Variants in PARP8 observed in about 807,000 individuals in gnomAD.
PARP8 encodes protein mono-ADP-ribosyltransferase PARP8.
In PARP8, 51 loss-of-function variants were observed where a neutral mutation model predicts 124.1. That is an observed-to-expected ratio of 0.41 (90% CI 0.33 to 0.52). PARP8 has a LOEUF of 0.52. Ranked by LOEUF, PARP8 falls within the 20% of genes least tolerant of loss-of-function variation. PARP8 has a pLI of 0.21. For synonymous variants in PARP8, 391 were observed against 361.5 expected, an observed-to-expected ratio of 1.08 and a Z score of -0.93; for missense variants, 860 against 1,018.9, an observed-to-expected ratio of 0.84 and a Z score of 2.12.
At chr5:50,731,424 T>G (rs1249525682) in intron 2 of PARP8, among the ~76,000 whole-genome samples, 3 of 152,206 alleles carry the variant, frequency 2.0e-5, no homozygotes, top group African/African-American at 7.2e-5. Context: ...CATAGCAGTG[T>G]GCATTTGCTT....
Position 50,778,570 on chromosome 5 carries a change from C to T in PARP8, c.590C>T (p.Ala197Val), listed in dbSNP as rs1740301214. Residue 197 changes from alanine (A) to valine (V), a missense_variant, in exon 9 of 26, where the codon GCT becomes GTT. Transcript: ENST00000281631. ...IDVSFLDEEI[A>V]VAWEVIRTEP... The stretch of plus-strand genomic sequence containing the variant: ...AATATATTTGTGCAGGAGGAGATTG[C>T]TGTGGCTTGGGAAGTAATTCGAACA... 1 of 1,607,132 alleles carries T rather than the reference C, an allele frequency of 6.2e-7. No homozygotes were observed. Among genetic ancestry groups the T allele is most frequent in the Non-Finnish European group, 8.5e-7 (1 of 1,177,012 alleles).
rs141865236 is a variant in PARP8, at chr5:50,815,801, A to G, written c.1668+277A>G. Among the ~76,000 whole-genome samples the G allele has an allele frequency of 3.3e-4, 50 of 152,308 alleles. 1 individual carries two copies. The East Asian group carries it at 7.1e-3, about 22-fold the overall frequency. On this transcript the variant is annotated intron_variant, in intron 15 of 25. Coordinates refer to ENST00000281631, the MANE Select transcript of PARP8 (RefSeq NM_024615.4). ...TCTTCTTACACAGTGAAGTGGAGATATTGAAACCCTCGTGCATGCTTTATG... is the reference window on the plus strand; with the variant it reads ...TCTTCTTACACAGTGAAGTGGAGATGTTGAAACCCTCGTGCATGCTTTATG...
At chr5:50,841,512 A>G (rs1238747890) in intron 25 of PARP8, among the ~76,000 whole-genome samples, 1 of 151,912 alleles carries the variant, frequency 6.6e-6, no homozygotes, top group Non-Finnish European at 1.5e-5. Context: ...TAATTATTAG[A>G]AGGCAGGCAT....
chr5:50,808,740 C>T (rs142042298), intron 14 of PARP8, among the ~76,000 whole-genome samples: 1 of 152,026 alleles, frequency 6.6e-6, no homozygotes, highest in East Asian at 1.9e-4. Flanking sequence ...GTTTGGGAGT[C>T]CCAAGATTTG....
At chr5:50,686,643 T>C (rs937890817) in intron 2 of PARP8, among the ~76,000 whole-genome samples, 1 of 152,244 alleles carries the variant, frequency 6.6e-6, no homozygotes, top group Non-Finnish European at 1.5e-5. Flanking sequence ...AGCATACTTT[T>C]GCCTGGGCAT....
At chr5:50,780,730 T>C (rs762436780) in intron 9 of PARP8, among the ~76,000 whole-genome samples, 9 of 152,032 alleles carry the variant, frequency 5.9e-5, no homozygotes, top group Non-Finnish European at 1.0e-4. Context: ...TTTTCTTTTT[T>C]CATACCTGAT....
In PARP8 at chr5:50,801,537, TTA is replaced by T. The variant is rs1333166043; in HGVS notation, c.1575+4305_1575+4306del. On this transcript the variant is annotated intron_variant, in intron 14 of 25. Coordinates refer to ENST00000281631, the MANE Select transcript of PARP8 (RefSeq NM_024615.4). ...TTATCCTTTTGATGTCTGCAGAGTTTTAGTGATACTCTTTGTTTCATTCCTGA... is the reference window on the plus strand; with the variant it reads ...TTATCCTTTTGATGTCTGCAGAGTTTGTGATACTCTTTGTTTCATTCCTGA... Among the ~76,000 whole-genome samples the T allele has an allele frequency of 6.6e-5, 10 of 152,346 alleles. No individual in the cohort carries two copies. In the East Asian group the frequency reaches 1.9e-3, roughly 29 times the overall value.
At chr5:50,754,059 A>G (rs1378559112) in intron 3 of PARP8, among the ~76,000 whole-genome samples, 2 of 144,988 alleles carry the variant, frequency 1.4e-5, no homozygotes, top group East Asian at 2.0e-4. Context: ...AAAAAAAAAA[A>G]GAGCTTAGAA....
At chr5:50,686,425 G>C (rs1751868804) in intron 2 of PARP8, among the ~76,000 whole-genome samples, 1 of 152,224 alleles carries the variant, frequency 6.6e-6, no homozygotes, top group African/African-American at 2.4e-5. Context: ...GCTTTCACAG[G>C]CTGGTGTTTA....
intron 2 of PARP8, among the ~76,000 whole-genome samples, chr5:50,684,489 TGAA>T (rs1756884072): frequency 6.6e-6 from 1 of 151,888 alleles, no homozygotes; most frequent in Non-Finnish European, 1.5e-5. Flanking sequence ...AATGTGATAA[TGAA>T]GGTTTTATAT....
At chr5:50,747,158 G>GTTTTTTTTTTTTTTTTTTTTTTTTT (rs1370932889) in intron 2 of PARP8, among the ~76,000 whole-genome samples, 1 of 82,204 alleles carries the variant, frequency 1.2e-5, no homozygotes, top group African/African-American at 4.8e-5. Flanking sequence ...TTGTTTGTTT[G>GTTTTTTTTTTTTTTTTTTTTTTTTT]TTTTGTTTTT....
intron 9 of PARP8, among the ~76,000 whole-genome samples, chr5:50,783,537 C>T (rs1275899989): frequency 6.6e-6 from 1 of 152,148 alleles, no homozygotes; most frequent in Non-Finnish European, 1.5e-5. Flanking sequence ...CCCTGTTGCT[C>T]TATGTACACT....
chr5:50,826,011 A>C (rs1746308251), intron 18 of PARP8, among the ~76,000 whole-genome samples: 1 of 152,038 alleles, frequency 6.6e-6, no homozygotes, highest in South Asian at 2.1e-4. Context: ...AATAACACTA[A>C]ATTTCCATTG....
intron 14 of PARP8, among the ~76,000 whole-genome samples, chr5:50,815,216 CTTTTTTATAATA>C (rs911543168): frequency 2.0e-5 from 3 of 151,892 alleles, no homozygotes; most frequent in Admixed American, 6.6e-5. Context: ...TGAAAAGGAT[CTTTTTTATAATA>C]TTTTTTACTC....
chr5:50,820,508 A>G (rs1312898233), intron 15 of PARP8, among the ~76,000 whole-genome samples: 1 of 152,220 alleles, frequency 6.6e-6, no homozygotes, highest in Non-Finnish European at 1.5e-5. Flanking sequence ...CAGAAGAATC[A>G]TAGGATAACA....
At chr5:50,755,723 C>A (rs1759861207) in intron 3 of PARP8, among the ~76,000 whole-genome samples, 1 of 152,136 alleles carries the variant, frequency 6.6e-6, no homozygotes, top group Non-Finnish European at 1.5e-5. Flanking sequence ...TGAAGAAAGT[C>A]ATTGGTAGCT....
chr5:50,702,733 T>G (rs1405448365), intron 2 of PARP8, among the ~76,000 whole-genome samples: 1 of 152,234 alleles, frequency 6.6e-6, no homozygotes, highest in Non-Finnish European at 1.5e-5. Flanking sequence ...GTGTCAGCAT[T>G]CTTTAATTCT....
chr5:50,759,119 A>G (rs531041630), intron 3 of PARP8, among the ~76,000 whole-genome samples: 86 of 152,256 alleles, frequency 5.6e-4, no homozygotes, highest in African/African-American at 2.0e-3. Flanking sequence ...GGGTTTCACC[A>G]TGTTGGCCAG....
Position 50,815,537 on chromosome 5 carries a change from G to GAT in PARP8, c.1668+15_1668+16dup. On this transcript the variant is annotated intron_variant, in intron 15 of 25. Transcript: ENST00000281631. ...AACTGGAGCTCAGGTAGTAACACAG[G>GAT]ATACTAATTATTTCTTATTTTGCTT... The GAT allele has an allele frequency of 6.4e-7, 1 of 1,550,584 alleles. No individual in the cohort carries two copies. Among genetic ancestry groups the GAT allele is most frequent in the South Asian group, 1.2e-5 (1 of 83,670 alleles).
Sources: allele counts gnomAD v4.1 joint callset (sites outside exome capture counted in the v4.1 genomes callset), GRCh38; gene constraint gnomAD v4.1.1; transcripts MANE v1.5; gene names NCBI Gene and HGNC (gene_info 2026-07-23, HGNC 2026-07-21).